Variants in NEK1 observed in about 807,000 individuals in gnomAD.
NEK1 encodes NIMA related kinase 1, also known as serine/threonine-protein kinase Nek1.
Under a neutral mutation model 182.1 loss-of-function variants are expected in NEK1, and 137 were observed. The ratio of observed to expected loss-of-function variants is 0.75; its 90% CI spans 0.65 to 0.87. NEK1 has a LOEUF of 0.87. Ranked by LOEUF, NEK1 falls within the 40% of genes least tolerant of loss-of-function variation. The probability of loss-of-function intolerance (pLI) is 0.00; values close to 1 mark genes in which losing one functional copy is unlikely to be tolerated. For missense variants in NEK1, 1,391 were observed against 1,494.4 expected (o/e 0.93, Z 1.14); for synonymous variants, 513 against 492.2 (o/e 1.04, Z -0.56).
intron 27 of NEK1, among the ~76,000 whole-genome samples, chr4:169,448,690 C>T (rs538089656): frequency 6.6e-6 from 1 of 152,230 alleles, no homozygotes; most frequent in South Asian, 2.1e-4. Flanking sequence ...ACAGGAGTTC[C>T]AAGATGGCGG....
chr4:169,505,542 A>G (rs1043550453), intron 23 of NEK1, among the ~76,000 whole-genome samples: 1 of 152,252 alleles, frequency 6.6e-6, no homozygotes, highest in Non-Finnish European at 1.5e-5. Flanking sequence ...ACAGTAGGAT[A>G]TCAGTAGTAA....
chr4:169,419,130 T>G (rs1269164826), intron 31 of NEK1, among the ~76,000 whole-genome samples: 2 of 151,962 alleles, frequency 1.3e-5, no homozygotes, highest in Non-Finnish European at 2.9e-5. Flanking sequence ...ACCAAAGCAT[T>G]TAATAATCAA....
intron 27 of NEK1, among the ~76,000 whole-genome samples, chr4:169,443,301 GACAGAGCCCTGTCTCAA>G (rs1199549849): frequency 6.6e-6 from 1 of 151,920 alleles, no homozygotes; most frequent in Non-Finnish European, 1.5e-5. Flanking sequence ...CAGCCTGGGT[GACAGAGCCCTGTCTCAA>G]AAACAAACAA....
At chr4:169,492,339 T>TG (rs1466573733) in intron 23 of NEK1, among the ~76,000 whole-genome samples, 1 of 152,148 alleles carries the variant, frequency 6.6e-6, no homozygotes, top group African/African-American at 2.4e-5. Context: ...CAGGACCTGT[T>TG]GGAGTACCCA....
chr4:169,530,948 T>A, intron 19 of NEK1, among the ~76,000 whole-genome samples: 1 of 147,588 alleles, frequency 6.8e-6, no homozygotes, highest in East Asian at 2.0e-4. Context: ...AGGACAGAAG[T>A]TAGGAGAGTC....
At chr4:169,561,048 A>G (rs1387232586) in intron 16 of NEK1, among the ~76,000 whole-genome samples, 15 of 152,230 alleles carry the variant, frequency 9.9e-5, no homozygotes, top group Non-Finnish European at 1.5e-5. Flanking sequence ...TCTTCATTTC[A>G]GCATGAATAG....
At chr4:169,565,135 AAAGAC>A (rs1177886050) in intron 12 of NEK1, among the ~76,000 whole-genome samples, 10 of 152,214 alleles carry the variant, frequency 6.6e-5, no homozygotes, top group Admixed American at 5.2e-4. Context: ...TTACCTCAGA[AAAGAC>A]ATTAGAGTTG....
chr4:169,547,186 C>T (rs1193806813), intron 18 of NEK1, among the ~76,000 whole-genome samples: 1 of 152,138 alleles, frequency 6.6e-6, no homozygotes, highest in African/African-American at 2.4e-5. Context: ...CAAGATCTCC[C>T]AGCATTTTCT....
intron 27 of NEK1, among the ~76,000 whole-genome samples, chr4:169,442,677 A>G (rs1458329088): frequency 6.6e-6 from 1 of 152,246 alleles, no homozygotes; most frequent in Non-Finnish European, 1.5e-5. Context: ...GATAAATAAT[A>G]CAAAGAAATC....
At chr4:169,595,901 G>C (rs1313515661) in intron 5 of NEK1, among the ~76,000 whole-genome samples, 6 of 140,744 alleles carry the variant, frequency 4.3e-5, no homozygotes, top group Non-Finnish European at 3.0e-5. Flanking sequence ...CCAGCCTGGG[G>C]GACAGAGCCA....
At chr4:169,546,723 T>C (rs931039732) in intron 18 of NEK1, among the ~76,000 whole-genome samples, 1 of 152,204 alleles carries the variant, frequency 6.6e-6, no homozygotes, top group South Asian at 2.1e-4. Context: ...CCTTTACCAT[T>C]ACGCAATGCC....
chr4:169,485,196 T>C (rs1377483242), intron 23 of NEK1, among the ~76,000 whole-genome samples: 3 of 152,198 alleles, frequency 2.0e-5, no homozygotes, highest in Non-Finnish European at 4.4e-5. Context: ...TGATCTCTCC[T>C]CTGAGTCAAC....
At chr4:169,467,260 G>C (rs1461590415) in intron 26 of NEK1, among the ~76,000 whole-genome samples, 1 of 152,098 alleles carries the variant, frequency 6.6e-6, no homozygotes, top group Non-Finnish European at 1.5e-5. Flanking sequence ...TTTTGGGGGA[G>C]TTAAGAGTTA....
At chr4:169,601,103 CA>C (rs1770418792) in intron 4 of NEK1, among the ~76,000 whole-genome samples, 2 of 152,168 alleles carry the variant, frequency 1.3e-5, no homozygotes, top group Non-Finnish European at 2.9e-5. Flanking sequence ...ATCTTCATTT[CA>C]CTGCCAGCAT....
chr4:169,440,243 T>C (rs1169287124), intron 27 of NEK1, among the ~76,000 whole-genome samples: 1 of 150,750 alleles, frequency 6.6e-6, no homozygotes. Context: ...AAGCAGCAAA[T>C]CAAAATAGTC....
chr4:169,540,220 A>G (rs1431499106), intron 18 of NEK1, among the ~76,000 whole-genome samples: 1 of 152,124 alleles, frequency 6.6e-6, no homozygotes, highest in Non-Finnish European at 1.5e-5. Flanking sequence ...AGTGTCAACT[A>G]TTTGCCACAT....
intron 31 of NEK1, among the ~76,000 whole-genome samples, chr4:169,413,922 C>T (rs1734086481): frequency 6.6e-6 from 1 of 152,154 alleles, no homozygotes; most frequent in African/African-American, 2.4e-5. Flanking sequence ...GAGGCTGAGG[C>T]AGAAGAATCA....
chr4:169,513,828 A>G lies in NEK1; in HGVS notation c.1666-4976T>C, dbSNP rs78196349. ...ATTTTCTGTATCAATTGATGTAATC[A>G]TATGAATTTCCTTCTTTAGCCTGTT... On this transcript the variant is annotated intron_variant, in intron 19 of 35. Transcript: ENST00000507142. Among the ~76,000 whole-genome samples the G allele has an allele frequency of 8.2e-3, 1,251 of 152,240 alleles. 15 individuals carry two copies. Among genetic ancestry groups the G allele is most frequent in the African/African-American group, 0.029 (1,184 of 41,536 alleles).
chr4:169,561,850 T>G lies in NEK1; in HGVS notation c.1122A>C (p.Glu374Asp), dbSNP rs992324423. Residue 374 changes from glutamate (E) to aspartate (D), a missense_variant, in exon 14 of 36, where the codon GAA becomes GAC. By Grantham distance (45) the Glu-to-Asp change is conservative. This residue lies in a region of NEK1 where 1,216 missense variants were observed against 1,277.6 expected (regional missense o/e 0.95). Transcript: ENST00000507142. ...AAACTACCTGATCCTTTTGTTTCTT[T>G]TCTTTTTCAATAAATTCCAGCCTTC... The part of the protein sequence containing the change: ...RKRRLEFIEK[E>D]KKQKDQIISL... 2 of 1,610,454 alleles carry G rather than the reference T, an allele frequency of 1.2e-6. No homozygotes were observed. The highest frequency in any genetic ancestry group is 2.7e-5 in the African/African-American group (2 of 74,758).
Sources: gnomAD v4.1 joint callset for allele counts (sites outside exome capture counted in the v4.1 genomes callset) on GRCh38, gnomAD v4.1.1 for gene constraint, gnomAD v4.1.1 regional missense constraint, MANE v1.5 for transcripts, NCBI Gene and HGNC (gene_info 2026-07-23, HGNC 2026-07-21) for gene names.